The following LRMDA variants were observed in gnomAD, a reference collection of about 807,000 sequenced individuals.
The protein encoded by LRMDA is leucine-rich melanocyte differentiation-associated protein.
LRMDA carries 18 observed loss-of-function variants against 29.8 expected under a neutral mutation model. The observed-to-expected ratio is 0.60, with a 90% CI of 0.42 to 0.90. LRMDA has a LOEUF of 0.90. LRMDA is among the 40% of genes least tolerant of loss of function. The pLI is 0.00. For missense variants in LRMDA, 273 were observed against 273.9 expected (o/e 1.00, Z 0.02); for synonymous variants, 125 against 109.4 (o/e 1.14, Z -0.89).
chr10:76,260,457 A>G (rs1175183625), intron 5 of LRMDA, among the ~76,000 whole-genome samples: 2 of 152,188 alleles, frequency 1.3e-5, no homozygotes, highest in Non-Finnish European at 2.9e-5. Flanking sequence ...TTTGCTAGGT[A>G]TAATATTCTT....
chr10:76,401,840 A>G (rs567688286), intron 6 of LRMDA, among the ~76,000 whole-genome samples: 6 of 152,310 alleles, frequency 3.9e-5, no homozygotes, highest in African/African-American at 1.2e-4. Context: ...TGCCTTTTGA[A>G]CAAGTGCCTG....
chr10:76,137,123 G>A (rs936263731), intron 5 of LRMDA, among the ~76,000 whole-genome samples: 1 of 152,100 alleles, frequency 6.6e-6, no homozygotes, highest in African/African-American at 2.4e-5. Flanking sequence ...TGATACTACC[G>A]ACCCTTCCTT....
intron 2 of LRMDA, among the ~76,000 whole-genome samples, chr10:75,759,086 G>T (rs1843065599): frequency 6.6e-6 from 1 of 152,036 alleles, no homozygotes. Context: ...TTCTCTCTGA[G>T]TATTTGTGTG....
intron 5 of LRMDA, among the ~76,000 whole-genome samples, chr10:76,303,465 C>T (rs530305887): frequency 1.3e-5 from 2 of 152,186 alleles, no homozygotes; most frequent in South Asian, 2.1e-4. Flanking sequence ...GAGAGGTGCC[C>T]GTCCAGCGCT....
chr10:76,293,779 A>G (rs1589414818), intron 5 of LRMDA, among the ~76,000 whole-genome samples: 1 of 152,232 alleles, frequency 6.6e-6, no homozygotes, highest in Non-Finnish European at 1.5e-5. Context: ...GCTATGAAAA[A>G]TGGCTCAAAC....
chr10:75,816,082 T>C (rs774970823), intron 2 of LRMDA, among the ~76,000 whole-genome samples: 1 of 152,202 alleles, frequency 6.6e-6, no homozygotes, highest in Non-Finnish European at 1.5e-5. Context: ...TGTGACATCA[T>C]TGGAGGAGGT....
At chr10:76,556,658 T>A (rs1162413417) in intron 6 of LRMDA, among the ~76,000 whole-genome samples, 2 of 152,176 alleles carry the variant, frequency 1.3e-5, no homozygotes, top group African/African-American at 4.8e-5. Context: ...CGGCCATTCA[T>A]ATGGTATTTT....
intron 2 of LRMDA, among the ~76,000 whole-genome samples, chr10:75,612,671 AAT>A (rs1589135270): frequency 1.3e-5 from 2 of 148,676 alleles, no homozygotes; most frequent in East Asian, 3.9e-4. Flanking sequence ...AATATATAAA[AAT>A]ATATTTTTGA....
At chr10:75,793,234 C>T (rs1206717407) in intron 2 of LRMDA, among the ~76,000 whole-genome samples, 2 of 152,046 alleles carry the variant, frequency 1.3e-5, no homozygotes, top group African/African-American at 4.8e-5. Context: ...GTCACAGAGG[C>T]TTGAGTTTTT....
intron 5 of LRMDA, among the ~76,000 whole-genome samples, chr10:76,125,374 A>G (rs1849861525): frequency 6.6e-6 from 1 of 151,968 alleles, no homozygotes; most frequent in South Asian, 2.1e-4. Flanking sequence ...AAATGAGGTG[A>G]CCTCCTGTTC....
chr10:75,637,734 C>T (rs1027810217), intron 2 of LRMDA, among the ~76,000 whole-genome samples: 2 of 152,182 alleles, frequency 1.3e-5, no homozygotes, highest in African/African-American at 2.4e-5. Context: ...GTCTGTCACA[C>T]GTTGATTTCT....
chr10:75,642,210 T>G (rs1328136667), intron 2 of LRMDA, among the ~76,000 whole-genome samples: 2 of 152,208 alleles, frequency 1.3e-5, no homozygotes, highest in Non-Finnish European at 2.9e-5. Flanking sequence ...GTCTCAGCTG[T>G]AAGATGTAGT....
chr10:76,269,437 G>T (rs1840041872), intron 5 of LRMDA, among the ~76,000 whole-genome samples: 2 of 152,154 alleles, frequency 1.3e-5, no homozygotes, highest in Admixed American at 1.3e-4. Flanking sequence ...GACTGTGCAG[G>T]TAGAGACAGT....
chr10:76,151,132 C>T (rs1360220882), intron 5 of LRMDA, among the ~76,000 whole-genome samples: 4 of 152,172 alleles, frequency 2.6e-5, no homozygotes, highest in African/African-American at 9.7e-5. Context: ...CTCCTCCAAC[C>T]TATATGTTTA....
intron 2 of LRMDA, among the ~76,000 whole-genome samples, chr10:75,622,514 C>T (rs1326675602): frequency 6.6e-6 from 1 of 152,154 alleles, no homozygotes; most frequent in Non-Finnish European, 1.5e-5. Context: ...TGATTGCAGT[C>T]ACTACCAAGT....
chr10:75,949,304 C>A (rs147949983), intron 2 of LRMDA, among the ~76,000 whole-genome samples: 1 of 152,218 alleles, frequency 6.6e-6, no homozygotes, highest in Non-Finnish European at 1.5e-5. Context: ...GGGCCTCCAT[C>A]ATGTAGCTTG....
intron 2 of LRMDA, among the ~76,000 whole-genome samples, chr10:75,689,445 T>G (rs993640979): frequency 1.3e-5 from 2 of 152,248 alleles, no homozygotes; most frequent in African/African-American, 4.8e-5. Flanking sequence ...TAGTAGGGCC[T>G]GCTATTGAAT....
At chr10:76,249,167 A>G (rs1213459795) in intron 5 of LRMDA, among the ~76,000 whole-genome samples, 3 of 152,190 alleles carry the variant, frequency 2.0e-5, no homozygotes, top group African/African-American at 7.2e-5. Context: ...ATGACTTAAA[A>G]AAACTCAGAT....
At chr10:75,740,042 G>T (rs1040431811) in intron 2 of LRMDA, among the ~76,000 whole-genome samples, 1 of 152,134 alleles carries the variant, frequency 6.6e-6, no homozygotes, top group Non-Finnish European at 1.5e-5. Context: ...TTTTAAATAA[G>T]CAGAGATTGT....
Sources: allele counts gnomAD v4.1 joint callset (sites outside exome capture counted in the v4.1 genomes callset), GRCh38; gene constraint gnomAD v4.1.1; transcripts MANE v1.5; gene names NCBI Gene and HGNC (gene_info 2026-07-23, HGNC 2026-07-21).